SEC31A: variants seen among roughly 807,000 people sequenced by gnomAD.
SEC31A encodes the protein SEC31 homolog A, COPII component.
A neutral mutation model predicts 151.0 loss-of-function variants in SEC31A; 70 were observed. The ratio of observed to expected loss-of-function variants is 0.46; its 90% CI spans 0.38 to 0.57. SEC31A has a LOEUF of 0.57. SEC31A is among the 20% of genes least tolerant of loss of function. The pLI is 0.00. For missense variants in SEC31A, 1,330 were observed against 1,471.2 expected (o/e 0.90, Z 1.57); for synonymous variants, 475 against 505.9 (o/e 0.94, Z 0.82).
chr4:82,860,207 T>C (rs1411048432), intron 14 of SEC31A, among the ~76,000 whole-genome samples: 1 of 152,290 alleles, frequency 6.6e-6, no homozygotes, highest in Non-Finnish European at 1.5e-5. Flanking sequence ...TTATTAGGTA[T>C]TGAGTGCCTT....
At chr4:82,867,072 A>T in intron 9 of SEC31A, 83 bp downstream of exon 9, 1 of 1,545,056 alleles carries the variant, frequency 6.5e-7, no homozygotes, top group Non-Finnish European at 8.8e-7. Context: ...CAGCATTGTT[A>T]ATCAGTGAAG....
intron 1 of SEC31A, among the ~76,000 whole-genome samples, chr4:82,888,383 A>T (rs1306026852): frequency 0.066 from 59 of 894 alleles, 2 homozygotes; most frequent in African/African-American, 0.12. Context: ...ACACACAAAA[A>T]ACATATATAT....
intron 4 of SEC31A, 123 bp from the exon 5 acceptor site, chr4:82,875,945 G>T (rs1172527253): frequency 2.1e-6 from 1 of 480,014 alleles, no homozygotes. Context: ...AATTTGAAAA[G>T]TGAAAAACAT....
chr4:82,851,609 A>G lies in SEC31A; in HGVS notation c.2155-5T>C. 4 of 1,601,632 alleles carry G rather than the reference A, an allele frequency of 2.5e-6. No individual in the cohort carries two copies. The South Asian group carries it at 4.5e-5, about 18-fold the overall frequency. On this transcript the variant is annotated splice_polypyrimidine_tract_variant and splice_region_variant and intron_variant, in intron 18 of 26. Coordinates refer to ENST00000395310, the MANE Select transcript of SEC31A (RefSeq NM_001077207.4). ...GACAACTTTCTCAATCAGATCCTAA[A>G]TGAAAAAAATGAGTAACAAACAGAA...
At chr4:82,826,651 C>A (rs572094808) in intron 24 of SEC31A, among the ~76,000 whole-genome samples, 1 of 152,360 alleles carries the variant, frequency 6.6e-6, no homozygotes, top group South Asian at 2.1e-4. Context: ...CTGCACCCGG[C>A]TTCAGGCATA....
intron 7 of SEC31A, 46 bp from the exon 8 acceptor site, chr4:82,870,470 AC>A: frequency 7.0e-7 from 1 of 1,425,730 alleles, no homozygotes; most frequent in Non-Finnish European, 9.9e-7. Context: ...TCTTGAGAAA[AC>A]CAAATCTCAA....
At chr4:82,867,653 A>G (rs1387130157) in intron 8 of SEC31A, among the ~76,000 whole-genome samples, 1 of 151,914 alleles carries the variant, frequency 6.6e-6, no homozygotes, top group African/African-American at 2.4e-5. Flanking sequence ...CTTTTTTGAG[A>G]CAGGGTCTCG....
intron 22 of SEC31A, among the ~76,000 whole-genome samples, chr4:82,841,521 G>A (rs77617282): frequency 7.8e-6 from 1 of 127,824 alleles, no homozygotes; most frequent in South Asian, 2.7e-4. Flanking sequence ...CGTGCCTGTA[G>A]TCCCAGCTAC....
At chr4:82,891,186 T>A, upstream of SEC31A, 1 of 1,533,896 alleles carries the variant, frequency 6.5e-7, no homozygotes, top group Non-Finnish European at 8.7e-7. Flanking sequence ...CAGGGCCACC[T>A]CCACGTTCCG....
At chr4:82,879,574 G>A (rs1411354910) in intron 3 of SEC31A, among the ~76,000 whole-genome samples, 2 of 152,166 alleles carry the variant, frequency 1.3e-5, no homozygotes, top group African/African-American at 4.8e-5. Context: ...AAAGGTATAC[G>A]ATGATACAGA....
chr4:82,851,408 C>T (rs781458361), intron 19 of SEC31A, 23 bp downstream of exon 19: 3 of 1,596,222 alleles, frequency 1.9e-6, no homozygotes, highest in South Asian at 2.2e-5. Context: ...TCAAACATTA[C>T]AAAAATGGTC....
intron 22 of SEC31A, among the ~76,000 whole-genome samples, chr4:82,836,304 C>T (rs941946874): frequency 7.2e-6 from 1 of 138,094 alleles, no homozygotes; most frequent in African/African-American, 2.8e-5. Context: ...ACCCAGGAGG[C>T]GGAGGTTGCA....
Position 82,819,098 on chromosome 4 carries a change from G to A in SEC31A, c.3639C>T (p.Thr1213=), listed in dbSNP as rs962757515. The change falls in exon 27 of 27, where the codon ACC becomes ACT. Residue 1213 remains threonine, a synonymous_variant. Transcript: ENST00000395310. ...AFMPVLKVVL[T]QANKLGV ...TTTAGACACCCAGCTTATTGGCCTG[G>A]GTGAGAACAACTTTGAGAACTGGCA... The A allele has an allele frequency of 1.2e-5, 20 of 1,609,502 alleles. No homozygotes were observed. The highest frequency in any genetic ancestry group is 1.5e-5 in the Non-Finnish European group (18 of 1,178,148).
At chr4:82,869,638 T>C (rs1736216477) in intron 8 of SEC31A, among the ~76,000 whole-genome samples, 1 of 152,126 alleles carries the variant, frequency 6.6e-6, no homozygotes, top group Non-Finnish European at 1.5e-5. Flanking sequence ...CTACAAATGA[T>C]ATGCGGTAAA....
At chr4:82,861,603 C>G (rs184727464) in intron 14 of SEC31A, 28 bp downstream of exon 14, 34 of 1,479,354 alleles carry the variant, frequency 2.3e-5, no homozygotes, top group Middle Eastern at 1.8e-4. Context: ...CAAATTTGTC[C>G]AATATAATAT....
chr4:82,858,902 T>C lies in SEC31A; in HGVS notation c.1627-1138A>G, dbSNP rs191234661. ...ATTTTTAGTAGAGACGGGGTTTCACTGTGTTAGCCAGGATGGTCTCGATCT... is the reference window on the plus strand; with the variant it reads ...ATTTTTAGTAGAGACGGGGTTTCACCGTGTTAGCCAGGATGGTCTCGATCT... On this transcript the variant is annotated intron_variant, in intron 14 of 26. Transcript: ENST00000395310. Among the ~76,000 whole-genome samples, 585 of 151,884 alleles carry C rather than the reference T, an allele frequency of 3.9e-3. 2 individuals carry two copies. The highest frequency in any genetic ancestry group is 0.012 in the African/African-American group (500 of 41,476).
intron 26 of SEC31A, among the ~76,000 whole-genome samples, chr4:82,819,796 C>G (rs1578085532): frequency 6.6e-6 from 1 of 151,670 alleles, no homozygotes; most frequent in Non-Finnish European, 1.5e-5. Context: ...GAGTCTCACT[C>G]TGTCACCCAG....
In SEC31A at chr4:82,864,692, A is replaced by T. The variant is rs994667764; in HGVS notation, c.1198-94T>A. On this transcript the variant is annotated intron_variant, in intron 10 of 26. Coordinates refer to ENST00000395310, the MANE Select transcript of SEC31A (RefSeq NM_001077207.4). ...TGGCCTAAACAGATAATCTGGATGAAATTAGTTGATACAACCTCTCATGCG... is the reference window on the plus strand; with the variant it reads ...TGGCCTAAACAGATAATCTGGATGATATTAGTTGATACAACCTCTCATGCG... The T allele has an allele frequency of 3.5e-6, 3 of 858,594 alleles. No homozygotes were observed. In the African/African-American group the frequency reaches 5.0e-5, roughly 14 times the overall value. The allele number at this position is 858,594 out of a possible 1,614,324, so 53.2% of individuals were successfully genotyped here. A position where few individuals can be genotyped will look rare whatever the true frequency, so the allele number is the denominator to read the frequency against.
rs117533578 is a variant in SEC31A at position 82,848,916 on chromosome 4, T to C, written c.2390A>G (p.His797Arg). ...CTCGTACGGAATTTTAGGTGATTCATGTCCTGCTACAGGCTCTCCTTGTGC... is the reference window on the plus strand; with the variant it reads ...CTCGTACGGAATTTTAGGTGATTCACGTCCTGCTACAGGCTCTCCTTGTGC... ...CRAQGEPVAG[H>R]ESPKIPYEKQ... The change falls in exon 20 of 27, where the codon CAT (histidine) becomes CGT (arginine). Residue 797 changes from histidine to arginine, a missense_variant. Physicochemically the swap from His to Arg is conservative, Grantham distance 29. Coordinates refer to ENST00000395310, the MANE Select transcript of SEC31A (RefSeq NM_001077207.4). The C allele has an allele frequency of 5.0e-6, 8 of 1,614,194 alleles. No individual in the cohort carries two copies. The East Asian group carries it at 8.9e-5, about 18-fold the overall frequency.
Sources: allele counts gnomAD v4.1 joint callset (sites outside exome capture counted in the v4.1 genomes callset), GRCh38; gene constraint gnomAD v4.1.1; transcripts MANE v1.5; gene names NCBI Gene and HGNC (gene_info 2026-07-23, HGNC 2026-07-21).